The following DHX38 variants were observed in gnomAD, a reference collection of about 807,000 sequenced individuals.
DHX38 encodes the protein pre-mRNA-splicing factor ATP-dependent RNA helicase PRP16.
In DHX38, 100 loss-of-function variants were observed where a neutral mutation model predicts 153.1. The ratio of observed to expected loss-of-function variants is 0.65; its 90% CI spans 0.56 to 0.77. The LOEUF is 0.77. Among genes scored for constraint, DHX38 ranks in the 30% least tolerant of loss-of-function variants. The probability of loss-of-function intolerance (pLI) is 0.00; values close to 1 mark genes in which losing one functional copy is unlikely to be tolerated. For synonymous variants in DHX38, 650 were observed against 631.7 expected (o/e 1.03, Z -0.43); for missense variants, 1,440 against 1,654.0 (o/e 0.87, Z 2.24).
Position 72,106,783 on chromosome 16 carries a change from T to C in DHX38, c.2601-557T>C, listed in dbSNP as rs71386948. The stretch of plus-strand genomic sequence containing the variant: ...CCTTTTTTGTTCCAATTAAAAAAAT[T>C]AATGTATTCACTATAGAGCGTTAGT... On this transcript the variant is annotated intron_variant, in intron 19 of 26. Transcript: ENST00000268482. Among the ~76,000 whole-genome samples the C allele has an allele frequency of 4.3e-3, 660 of 152,208 alleles. 2 individuals are homozygous for C. Among genetic ancestry groups the C allele is most frequent in the Middle Eastern group, 6.8e-3 (2 of 294 alleles).
chr16:72,107,546 C>T lies in DHX38; in HGVS notation c.2807C>T (p.Thr936Ile). ...TGGATCCTCGGGGCCCTGGACAACA[C>T]AGGTGAGGCGGCCCCGGGAGCCTCA... is the stretch of plus-strand genomic sequence containing the variant. ...QLWILGALDNTGGLTSTGRLM... is the reference protein window; with the variant it reads ...QLWILGALDNIGGLTSTGRLM... The change falls in exon 20 of 27, where the codon ACA becomes ATA. Residue 936 changes from threonine to isoleucine, a missense_variant and splice_region_variant. Transcript: ENST00000268482. The surrounding 1 kb of genome is among the most constrained non-coding windows in gnomAD (Gnocchi z 5.3). The T allele has an allele frequency of 6.2e-7, 1 of 1,611,938 alleles. No homozygotes were observed. Among genetic ancestry groups the T allele is most frequent in the Non-Finnish European group, 8.5e-7 (1 of 1,178,198 alleles).
rs766784372 is a variant in DHX38, at chr16:72,096,361, G to A, written c.204G>A (p.Gly68=). ...GAGAGCGAGAGGAGAAGGACGATGG[G>A]GAGGACAAGAAGAAGTCCAAAGTCT... ...KRREREEKDD[G]EDKKKSKVSS... The change falls in exon 2 of 27, where the codon GGG becomes GGA. Residue 68 remains glycine (G), a synonymous_variant. Transcript: ENST00000268482. The A allele has an allele frequency of 5.6e-6, 9 of 1,614,082 alleles. No homozygotes were observed. The East Asian group carries it at 6.7e-5, about 12-fold the overall frequency.
Position 72,108,281 on chromosome 16 carries a change from G to T in DHX38, c.3019G>T (p.Asp1007Tyr), listed in dbSNP as rs2042209405. The change falls in exon 22 of 27, where the codon GAT becomes TAT. Residue 1007 changes from aspartate to tyrosine, a missense_variant. Physicochemically the swap from Asp to Tyr is radical, Grantham distance 160. Transcript: ENST00000268482. ...GGAGAAGTTCGCTGTTCCTGAGAGC[G>T]ATCATTTGACCTACCTGAATGTTTA... ...IREKFAVPES[D>Y]HLTYLNVYLQ... The T allele has an allele frequency of 6.2e-7, 1 of 1,614,106 alleles. No homozygotes were observed. Among genetic ancestry groups the T allele is most frequent in the Non-Finnish European group, 8.5e-7 (1 of 1,180,028 alleles).
In DHX38 at chr16:72,108,882, C is replaced by G; in HGVS notation, c.3338C>G (p.Thr1113Ser). 6.2e-7 allele frequency: 1 copy of G among 1,613,570 alleles called. No homozygotes were observed. The highest frequency in any genetic ancestry group is 8.5e-7 in the Non-Finnish European group (1 of 1,179,786). ...AGCTCCCTTTTTGGAATGGGCTACACCCCAGATTACATAGTGTATCACGAG... is the reference window on the plus strand; with the variant it reads ...AGCTCCCTTTTTGGAATGGGCTACAGCCCAGATTACATAGTGTATCACGAG... ...PTSSLFGMGYTPDYIVYHELV... is the reference protein window; with the variant it reads ...PTSSLFGMGYSPDYIVYHELV... Residue 1113 changes from threonine (T) to serine (S), a missense_variant, in exon 24 of 27, where the codon ACC becomes AGC. By Grantham distance (58) the Thr-to-Ser change is moderately conservative (BLOSUM62 1). This residue lies in a region of DHX38 where 543 missense variants were observed against 717.9 expected (regional missense o/e 0.76). Coordinates refer to ENST00000268482, the MANE Select transcript of DHX38 (RefSeq NM_014003.4).
At chr16:72,097,562 G>A (rs1230452876) in intron 3 of DHX38, 115 bp from the exon 4 acceptor site, 3 of 918,512 alleles carry the variant, frequency 3.3e-6, no homozygotes, top group African/African-American at 1.6e-5. Flanking sequence ...GATCACATTC[G>A]AGCAGTGCAG....
intron 8 of DHX38, 105 bp downstream of exon 8, chr16:72,099,992 T>C (rs907780174): frequency 1.9e-5 from 27 of 1,441,750 alleles, no homozygotes; most frequent in Non-Finnish European, 2.4e-5. Context: ...TGTCCCCTGA[T>C]TGCCGAGAAG....
Position 72,108,509 on chromosome 16 carries a change from G to T in DHX38, c.3157G>T (p.Val1053Leu). 1 of 1,614,184 alleles carries T rather than the reference G, an allele frequency of 6.2e-7. No individual in the cohort carries two copies. Among genetic ancestry groups the T allele is most frequent in the Non-Finnish European group, 8.5e-7 (1 of 1,180,020 alleles). ...EVRAQLKDIM[V>L]QQRMSLASCG... ...GCGAGCTCAACTCAAGGACATCATG[G>T]TGCAGCAGCGGATGAGCCTGGCCTC... Residue 1053 changes from valine to leucine, a missense_variant, in exon 23 of 27, where the codon GTG (valine) becomes TTG (leucine). By Grantham distance (32) the Val-to-Leu change is conservative (BLOSUM62 1). Around this residue, in one of 6 missense-constraint regions of DHX38, gnomAD observed 543 missense variants for 717.9 expected, o/e 0.76. Transcript: ENST00000268482.
chr16:72,097,464 A>T, intron 3 of DHX38: 1 of 524,184 alleles, frequency 1.9e-6, no homozygotes, highest in Non-Finnish European at 3.4e-6. Flanking sequence ...GCTGGAAAAT[A>T]ACTGTTACTG....
chr16:72,108,281 G>A lies in DHX38; in HGVS notation c.3019G>A (p.Asp1007Asn), dbSNP rs2042209405. The A allele has an allele frequency of 2.5e-6, 4 of 1,614,108 alleles. No homozygotes were observed. The highest frequency in any genetic ancestry group is 1.6e-4 in the Middle Eastern group (1 of 6,062). ...GGAGAAGTTCGCTGTTCCTGAGAGC[G>A]ATCATTTGACCTACCTGAATGTTTA... Reference protein sequence around the residue: ...IREKFAVPESDHLTYLNVYLQ... With the variant: ...IREKFAVPESNHLTYLNVYLQ... Residue 1007 changes from aspartate (D) to asparagine (N), a missense_variant, in exon 22 of 27, where the codon GAT (aspartate) becomes AAT (asparagine). By Grantham distance (23) the Asp-to-Asn change is conservative (BLOSUM62 1). Coordinates refer to ENST00000268482, the MANE Select transcript of DHX38 (RefSeq NM_014003.4).
At chr16:72,097,872 T>C (rs1229837824) in intron 4 of DHX38, 91 bp downstream of exon 4, 16 of 1,234,006 alleles carry the variant, frequency 1.3e-5, no homozygotes, top group Non-Finnish European at 1.9e-5. Context: ...GCTGAGGCAT[T>C]GAGTCAGAAT....
intron 6 of DHX38, 59 bp from the exon 7 acceptor site, chr16:72,099,145 T>C: frequency 4.4e-6 from 7 of 1,595,516 alleles, no homozygotes; most frequent in Non-Finnish European, 6.0e-6. Context: ...TGCAGATCTG[T>C]CTGGGGCCGC....
chr16:72,105,222 G>T lies in DHX38; in HGVS notation c.2263-10G>T. The T allele has an allele frequency of 6.2e-7, 1 of 1,614,008 alleles. No individual in the cohort carries two copies. The highest frequency in any genetic ancestry group is 1.1e-5 in the South Asian group (1 of 91,084). On this transcript the variant is annotated splice_polypyrimidine_tract_variant and intron_variant, in intron 16 of 26. Coordinates refer to ENST00000268482, the MANE Select transcript of DHX38 (RefSeq NM_014003.4). ...TTCCAGTGTCTCACAGCTCCTCCCT[G>T]GGCTCTCAGGTGACCTCAGACCAGA... is the stretch of plus-strand genomic sequence containing the variant.
At chr16:72,099,924 C>G (rs1459529943) in intron 8 of DHX38, 37 bp downstream of exon 8, 1 of 1,571,040 alleles carries the variant, frequency 6.4e-7, no homozygotes, top group Non-Finnish European at 8.6e-7. Flanking sequence ...AGATTCAGAG[C>G]TGGAGGTAGA....
At chr16:72,109,557 C>T (rs559924067) in intron 25 of DHX38, 47 bp downstream of exon 25, 131 of 1,563,272 alleles carry the variant, frequency 8.4e-5, no homozygotes, top group Non-Finnish European at 1.0e-4. Context: ...CCTGTGGGGT[C>T]GGTGTTCCCT....
Position 72,101,086 on chromosome 16 carries a change from C to T in DHX38, c.1279C>T (p.Pro427Ser). The change falls in exon 10 of 27, where the codon CCG (proline) becomes TCG (serine). Residue 427 changes from proline to serine, a missense_variant and splice_region_variant. Transcript: ENST00000268482. ...TCGCTCTTTCTCCCCACTGCTGCAG[C>T]CGGAGCCGGTGATTCCAGTGAAGGA... Reference protein sequence around the residue: ...LDGRIVFTKQPEPVIPVKDAT... With the variant: ...LDGRIVFTKQSEPVIPVKDAT... 6.2e-7 allele frequency: 1 copy of T among 1,614,174 alleles called. No individual in the cohort carries two copies. Among genetic ancestry groups the T allele is most frequent in the Non-Finnish European group, 8.5e-7 (1 of 1,180,008 alleles).
chr16:72,108,420 A>C, intron 22 of DHX38, 38 bp downstream of exon 22: 1 of 1,613,484 alleles, frequency 6.2e-7, no homozygotes, highest in East Asian at 2.2e-5. Context: ...GGATGAGGGG[A>C]GGGTCGAGAG....
chr16:72,096,244 C>T lies in DHX38; in HGVS notation c.87C>T (p.Ser29=). The change falls in exon 2 of 27, where the codon TCC becomes TCT. Residue 29 remains serine, a synonymous_variant. Transcript: ENST00000268482. ...AGGTTGGTGGTCTTATTTGCAAGTCCAAAAGTGCGGCCAGCGAGCAGCATG... is the reference window on the plus strand; with the variant it reads ...AGGTTGGTGGTCTTATTTGCAAGTCTAAAAGTGCGGCCAGCGAGCAGCATG... The part of the protein sequence containing the change: ...DCQVGGLICK[S]KSAASEQHVF... 1 of 1,614,172 alleles carries T rather than the reference C, an allele frequency of 6.2e-7. No individual in the cohort carries two copies. The highest frequency in any genetic ancestry group is 8.5e-7 in the Non-Finnish European group (1 of 1,180,040).
chr16:72,110,822 TG>T, intron 25 of DHX38, 133 bp from the exon 26 acceptor site: 2 of 1,255,644 alleles, frequency 1.6e-6, no homozygotes, highest in Non-Finnish European at 2.2e-6. Context: ...GCTTTGGTAC[TG>T]GGGCAGGCAG....
chr16:72,101,681 C>A, intron 11 of DHX38, 69 bp downstream of exon 11: 1 of 1,306,668 alleles, frequency 7.7e-7, no homozygotes, highest in Non-Finnish European at 1.1e-6. Flanking sequence ...GCAGTTGCGG[C>A]AGAACCCATC....
Sources: gnomAD v4.1 joint callset for allele counts (sites outside exome capture counted in the v4.1 genomes callset) on GRCh38, gnomAD v4.1.1 for gene constraint, gnomAD v4.1.1 regional missense constraint, Gnocchi (gnomAD v3.1) non-coding constraint, MANE v1.5 for transcripts, NCBI Gene and HGNC (gene_info 2026-07-23, HGNC 2026-07-21) for gene names.